IFT52: variants seen among roughly 807,000 people sequenced by gnomAD.
IFT52 encodes the protein intraflagellar transport 52.
A neutral mutation model predicts 54.4 loss-of-function variants in IFT52; 44 were observed. That is an observed-to-expected ratio of 0.81 (90% CI 0.63 to 1.04). The LOEUF is 1.04. Ranked by LOEUF, IFT52 falls within the 50% of genes least tolerant of loss-of-function variation. IFT52 has a pLI of 0.00. For missense variants in IFT52, 452 were observed against 523.6 expected (o/e 0.86, Z 1.33); for synonymous variants, 181 against 185.3 (o/e 0.98, Z 0.19).
At chr20:43,602,143 T>TTTATTTATTTATTTA (rs11472130) in intron 3 of IFT52, among the ~76,000 whole-genome samples, 1,457 of 145,634 alleles carry the variant, frequency 0.01, 18 homozygotes, top group Middle Eastern at 0.021. Flanking sequence ...CTGATTTTTA[T>TTTATTTATTTATTTA]TTTATTTATT....
rs1443515046 is a variant in IFT52 at position 43,645,931 on chromosome 20, C to T, written c.1267-1005C>T. ...CTTTATTAAAATTTCTATAGTGGGC[C>T]GGGCGCGGTGGCTCACGCCTGTAAT... On this transcript the variant is annotated intron_variant, in intron 13 of 13. Coordinates refer to ENST00000373030, the MANE Select transcript of IFT52 (RefSeq NM_016004.5). 4.4e-4 allele frequency among the ~76,000 whole-genome samples: 4 copies of T among 9,084 alleles called. 2 individuals carry two copies. Among genetic ancestry groups the T allele is most frequent in the Non-Finnish European group, 6.6e-4 (2 of 3,042 alleles). 6.0% of individuals were successfully genotyped at this position (9,084 alleles called of 152,430 possible).
chr20:43,627,355 G>T (rs1053222256), intron 10 of IFT52, among the ~76,000 whole-genome samples: 2 of 152,158 alleles, frequency 1.3e-5, no homozygotes, highest in Non-Finnish European at 2.9e-5. Context: ...TGAGGGTTGA[G>T]AATTTATCAT....
intron 6 of IFT52, among the ~76,000 whole-genome samples, chr20:43,609,426 C>T (rs1162545333): frequency 6.6e-6 from 1 of 152,080 alleles, no homozygotes; most frequent in African/African-American, 2.4e-5. Context: ...GTTTCATTTT[C>T]ATACCACACC....
chr20:43,619,814 T>C (rs1018748393), intron 8 of IFT52, among the ~76,000 whole-genome samples: 7 of 152,076 alleles, frequency 4.6e-5, no homozygotes, highest in African/African-American at 1.7e-4. Context: ...CGCCTTATAA[T>C]TGTTATATTG....
At chr20:43,610,723 A>T (rs1983374102) in intron 6 of IFT52, among the ~76,000 whole-genome samples, 1 of 151,760 alleles carries the variant, frequency 6.6e-6, no homozygotes, top group Non-Finnish European at 1.5e-5. Context: ...TGGGCGACAG[A>T]GCGAGACTCC....
At position 43,604,176 on chromosome 20, in the gene IFT52, C is replaced by T; in HGVS notation, c.338-7C>T. The T allele has an allele frequency of 6.3e-7, 1 of 1,593,400 alleles. No individual in the cohort carries two copies. Among genetic ancestry groups the T allele is most frequent in the African/African-American group, 1.3e-5 (1 of 74,534 alleles). ...AAAATATACCTCCTTCTCTTTTTCC[C>T]TCATAGATGCTGTGGTTAGAAATGT... On this transcript the variant is annotated splice_polypyrimidine_tract_variant and splice_region_variant and intron_variant, in intron 4 of 13. Transcript: ENST00000373030.
At chr20:43,639,430 G>A (rs1985764716) in intron 12 of IFT52, among the ~76,000 whole-genome samples, 1 of 152,112 alleles carries the variant, frequency 6.6e-6, no homozygotes, top group Admixed American at 6.5e-5. Context: ...CGGCACATTG[G>A]GAGGCCAAGG....
chr20:43,623,805 G>C, intron 9 of IFT52, 86 bp from the exon 10 acceptor site: 2 of 1,388,024 alleles, frequency 1.4e-6, no homozygotes, highest in South Asian at 2.7e-5. Flanking sequence ...TATAAATGTT[G>C]CAGATTTAGA....
At chr20:43,625,001 G>C (rs1012217137) in intron 10 of IFT52, among the ~76,000 whole-genome samples, 10 of 152,098 alleles carry the variant, frequency 6.6e-5, no homozygotes, top group African/African-American at 2.2e-4. Context: ...CACTCAGCAA[G>C]TATTTGTGGC....
intron 10 of IFT52, 24 bp downstream of exon 10, chr20:43,624,069 C>T: frequency 5.6e-6 from 9 of 1,610,540 alleles, no homozygotes; most frequent in Non-Finnish European, 7.6e-6. Flanking sequence ...GGCCTCTGAG[C>T]CACACTGCAC....
chr20:43,618,828 C>A (rs113157923), intron 7 of IFT52, 112 bp from the exon 8 acceptor site: 1 of 689,446 alleles, frequency 1.5e-6, no homozygotes, highest in Non-Finnish European at 2.5e-6. Context: ...TGAATTGGCA[C>A]TCTTCAGTAT....
intron 6 of IFT52, among the ~76,000 whole-genome samples, chr20:43,607,870 T>C (rs1158491244): frequency 6.6e-6 from 1 of 151,786 alleles, no homozygotes; most frequent in Non-Finnish European, 1.5e-5. Flanking sequence ...GAGCACTGAG[T>C]GAACAAGACT....
In IFT52 at chr20:43,623,910, T is replaced by G; in HGVS notation, c.788T>G (p.Leu263Arg). 1 of 1,614,168 alleles carries G rather than the reference T, an allele frequency of 6.2e-7. No individual in the cohort carries two copies. Among genetic ancestry groups the G allele is most frequent in the Non-Finnish European group, 8.5e-7 (1 of 1,180,014 alleles). ...TTTCAGATTTCTGACTACATGATGC[T>G]GCCCTACACAGCCACCCTATCAAAG... ...EDPEISDYMM[L>R]PYTATLSKRN... Residue 263 changes from leucine (L) to arginine (R), a missense_variant, in exon 10 of 14, where the codon CTG (leucine) becomes CGG (arginine). By Grantham distance (102) the Leu-to-Arg change is moderately radical (BLOSUM62 -2). Coordinates refer to ENST00000373030, the MANE Select transcript of IFT52 (RefSeq NM_016004.5).
intron 3 of IFT52, among the ~76,000 whole-genome samples, chr20:43,597,044 A>G (rs1194000432): frequency 1.3e-5 from 2 of 150,584 alleles, no homozygotes; most frequent in African/African-American, 4.9e-5. Context: ...CCCAGCCAGT[A>G]GCCACATTTC....
chr20:43,636,078 G>T, intron 11 of IFT52, 65 bp downstream of exon 11: 1 of 1,497,658 alleles, frequency 6.7e-7, no homozygotes, highest in Non-Finnish European at 9.3e-7. Context: ...TTGTCAGCAG[G>T]CATTCGCTGT....
chr20:43,620,545 C>A (rs6073155), intron 8 of IFT52, among the ~76,000 whole-genome samples: 116,661 of 151,964 alleles, frequency 0.77, 45,024 homozygotes, highest in East Asian at 0.8. Context: ...AATCCCAGCT[C>A]CTCAGGAGGC....
chr20:43,642,376 G>A, intron 12 of IFT52, 103 bp from the exon 13 acceptor site: 1 of 1,048,106 alleles, frequency 9.5e-7, no homozygotes, highest in Non-Finnish European at 1.4e-6. Context: ...GTGATCTTAG[G>A]AAATGTGGAA....
In IFT52 at chr20:43,642,537, C is replaced by T. The variant is rs759272876; in HGVS notation, c.1179C>T (p.Thr393=). The change falls in exon 13 of 14, where the codon ACC becomes ACT. Residue 393 remains threonine, a synonymous_variant. Transcript: ENST00000373030. ...VRKCGDILGV[T]SKLPKDQQDA... is the part of the protein sequence containing the mutation. ...AGTGTGGTGATATTCTTGGAGTAAC[C>T]AGTAAACTACCAAAGGACCAACAGG... is the stretch of plus-strand genomic sequence containing the variant. The T allele has an allele frequency of 2.5e-5, 41 of 1,613,842 alleles. No homozygotes were observed. Among genetic ancestry groups the T allele is most frequent in the Non-Finnish European group, 3.4e-5 (40 of 1,179,908 alleles).
chr20:43,641,218 T>G (rs439560), intron 12 of IFT52, among the ~76,000 whole-genome samples: 129,438 of 151,936 alleles, frequency 0.85, 55,439 homozygotes, highest in African/African-American at 0.95. Context: ...TTTGGGGTTT[T>G]GTTTTGTTTT....
Sources: allele counts gnomAD v4.1 joint callset (sites outside exome capture counted in the v4.1 genomes callset), GRCh38; gene constraint gnomAD v4.1.1; transcripts MANE v1.5; gene names NCBI Gene and HGNC (gene_info 2026-07-23, HGNC 2026-07-21).